The following PTPRO variants were observed in gnomAD, a reference collection of about 807,000 sequenced individuals.
The protein encoded by PTPRO is protein tyrosine phosphatase receptor type O, also known as receptor-type tyrosine-protein phosphatase O.
In PTPRO, 62 loss-of-function variants were observed where a neutral mutation model predicts 145.2. That is an observed-to-expected ratio of 0.43 (90% CI 0.35 to 0.53). The LOEUF (loss-of-function observed/expected upper bound fraction) is 0.53. Among genes scored for constraint, PTPRO ranks in the 20% least tolerant of loss-of-function variants. The pLI is 0.01. For missense variants in PTPRO, 1,345 were observed against 1,482.7 expected (o/e 0.91, Z 1.53); for synonymous variants, 565 against 514.7 (o/e 1.10, Z -1.32).
chr12:15,344,487 T>G (rs1867125587), intron 1 of PTPRO, among the ~76,000 whole-genome samples: 1 of 152,228 alleles, frequency 6.6e-6, no homozygotes, highest in Admixed American at 6.5e-5. Flanking sequence ...CTCAGCCACT[T>G]AAGACTAATA....
intron 1 of PTPRO, among the ~76,000 whole-genome samples, chr12:15,343,229 C>A (rs1867065503): frequency 6.6e-6 from 1 of 151,822 alleles, no homozygotes; most frequent in Non-Finnish European, 1.5e-5. Flanking sequence ...AAAATAGATA[C>A]AAGGTAAAAA....
chr12:15,553,152 G>A (rs187230230), intron 15 of PTPRO, among the ~76,000 whole-genome samples: 59 of 152,134 alleles, frequency 3.9e-4, no homozygotes, highest in African/African-American at 1.3e-3. Flanking sequence ...GTAGGTCACT[G>A]AAACTTCATG....
In PTPRO at chr12:15,388,302, A is replaced by G. The variant is rs534364265; in HGVS notation, c.75+65501A>G. Among the ~76,000 whole-genome samples, 13 of 152,340 alleles carry G rather than the reference A, an allele frequency of 8.5e-5. No homozygotes were observed. The South Asian group carries it at 1.0e-3, about 12-fold the overall frequency. On this transcript the variant is annotated intron_variant, in intron 1 of 26. Transcript: ENST00000281171. ...ATGTAAATTGCAGAATGATTATTGC[A>G]TATAAATTTTATATACTTCTTTTAG...
intron 1 of PTPRO, among the ~76,000 whole-genome samples, chr12:15,382,582 G>A (rs1938896830): frequency 6.6e-6 from 1 of 152,196 alleles, no homozygotes; most frequent in South Asian, 2.1e-4. Context: ...AGACAGGTGA[G>A]GCTGAAAGAA....
chr12:15,391,209 T>C (rs1939181720), intron 1 of PTPRO, among the ~76,000 whole-genome samples: 1 of 152,214 alleles, frequency 6.6e-6, no homozygotes, highest in Admixed American at 6.5e-5. Context: ...AAATGCCTTT[T>C]ATAAAGTGCA....
intron 1 of PTPRO, among the ~76,000 whole-genome samples, chr12:15,393,304 T>C (rs1939242195): frequency 6.6e-6 from 1 of 152,174 alleles, no homozygotes; most frequent in South Asian, 2.1e-4. Flanking sequence ...AATGATGCCA[T>C]AGCTATGAGT....
intron 12 of PTPRO, among the ~76,000 whole-genome samples, chr12:15,531,928 T>C (rs965045948): frequency 6.6e-6 from 1 of 152,204 alleles, no homozygotes; most frequent in Non-Finnish European, 1.5e-5. Flanking sequence ...GTGTTCATAT[T>C]AGCAGCTGTA....
chr12:15,338,859 AT>A (rs1866864881), intron 1 of PTPRO, among the ~76,000 whole-genome samples: 1 of 152,166 alleles, frequency 6.6e-6, no homozygotes, highest in Non-Finnish European at 1.5e-5. Flanking sequence ...ATGTTCAGAT[AT>A]TTCCACCAGT....
At chr12:15,349,616 T>C (rs1403705425) in intron 1 of PTPRO, among the ~76,000 whole-genome samples, 3 of 152,206 alleles carry the variant, frequency 2.0e-5, no homozygotes, top group African/African-American at 7.2e-5. Context: ...GCAAAGCAGA[T>C]GCCATTCCAT....
At chr12:15,464,284 T>A (rs1941366574) in intron 1 of PTPRO, among the ~76,000 whole-genome samples, 1 of 152,140 alleles carries the variant, frequency 6.6e-6, no homozygotes, top group Non-Finnish European at 1.5e-5. Context: ...TTTTTTCAAA[T>A]CATGTGGATC....
intron 1 of PTPRO, among the ~76,000 whole-genome samples, chr12:15,458,464 A>G (rs1024536829): frequency 6.6e-6 from 1 of 152,004 alleles, no homozygotes; most frequent in African/African-American, 2.4e-5. Context: ...TGAAATTCCC[A>G]TAATGCATAT....
intron 6 of PTPRO, among the ~76,000 whole-genome samples, chr12:15,507,300 C>T (rs2136480601): frequency 6.6e-6 from 1 of 152,048 alleles, no homozygotes; most frequent in East Asian, 1.9e-4. Flanking sequence ...GTAATCCCAG[C>T]TACTCGGGAG....
Position 15,580,781 on chromosome 12 carries a change from C to A in PTPRO, c.3082C>A (p.Gln1028Lys). ...TGACTTCTGGAAGATGGTCCTGCAA[C>A]AAAAGTCTCAGATTATTGTCATGCT... ...RNDFWKMVLQ[Q>K]KSQIIVMLTQ... The change falls in exon 22 of 27, where the codon CAA becomes AAA. Residue 1028 changes from glutamine (Q) to lysine (K), a missense_variant. By Grantham distance (53) the Gln-to-Lys change is moderately conservative. Around this residue, in one of 3 missense-constraint regions of PTPRO, gnomAD observed 208 missense variants for 242.8 expected, o/e 0.86. Transcript: ENST00000281171. The A allele has an allele frequency of 6.2e-7, 1 of 1,613,952 alleles. No individual in the cohort carries two copies. Among genetic ancestry groups the A allele is most frequent in the East Asian group, 2.2e-5 (1 of 44,864 alleles).
chr12:15,403,551 C>A (rs1939561284), intron 1 of PTPRO, among the ~76,000 whole-genome samples: 1 of 152,164 alleles, frequency 6.6e-6, no homozygotes, highest in Non-Finnish European at 1.5e-5. Flanking sequence ...CCACTGCACT[C>A]CAGCCTGGGT....
rs114314540 is a variant in PTPRO, at chr12:15,587,299, T to C, written c.3410+248T>C. The C allele has an allele frequency of 5.0e-3, 2,425 of 483,526 alleles. 54 individuals are homozygous for C. The highest frequency in any genetic ancestry group is 0.042 in the African/African-American group (2,133 of 51,264). 30.0% of individuals were successfully genotyped at this position (483,526 alleles called of 1,614,324 possible). ...AAAAAAATAGAGAAGGGTAGAGATG[T>C]TAAGGGATTCACACAAGTTCATGCA... On this transcript the variant is annotated intron_variant, in intron 24 of 26. Coordinates refer to ENST00000281171, the MANE Select transcript of PTPRO (RefSeq NM_030667.3).
At chr12:15,587,696 T>C (rs912826586) in intron 24 of PTPRO, among the ~76,000 whole-genome samples, 1 of 152,250 alleles carries the variant, frequency 6.6e-6, no homozygotes, top group African/African-American at 2.4e-5. Flanking sequence ...TTCTTCCTAC[T>C]GTATGAACAG....
intron 24 of PTPRO, 77 bp from the exon 25 acceptor site, chr12:15,589,378 A>G: frequency 6.8e-7 from 1 of 1,477,322 alleles, no homozygotes; most frequent in South Asian, 1.2e-5. Flanking sequence ...TCCATCTCAA[A>G]GAAAAAAAAA....
intron 1 of PTPRO, chr12:15,337,478 CACAA>C (rs1238828877): frequency 2.6e-5 from 4 of 152,194 alleles, no homozygotes; most frequent in Admixed American, 6.5e-5. Context: ...TTCCTGAAAA[CACAA>C]ACAAACACGT....
At chr12:15,440,558 G>A (rs1308361037) in intron 1 of PTPRO, among the ~76,000 whole-genome samples, 1 of 152,120 alleles carries the variant, frequency 6.6e-6, no homozygotes, top group African/African-American at 2.4e-5. Flanking sequence ...AAACAGAGAA[G>A]AAATAAAAGC....
Sources: gnomAD v4.1 joint callset for allele counts (sites outside exome capture counted in the v4.1 genomes callset) on GRCh38, gnomAD v4.1.1 for gene constraint, gnomAD v4.1.1 regional missense constraint, MANE v1.5 for transcripts, NCBI Gene and HGNC (gene_info 2026-07-23, HGNC 2026-07-21) for gene names.